Variants in ABI2 observed in about 807,000 individuals in gnomAD.
ABI2 encodes the protein abl interactor 2.
In ABI2, 25 loss-of-function variants were observed where a neutral mutation model predicts 59.2. The ratio of observed to expected loss-of-function variants is 0.42; its 90% CI spans 0.31 to 0.59. The LOEUF (loss-of-function observed/expected upper bound fraction) is 0.59. ABI2 is among the 20% of genes least tolerant of loss of function. The pLI is 0.14. For missense variants in ABI2, 545 were observed against 681.8 expected, an observed-to-expected ratio of 0.80 and a Z score of 2.23; for synonymous variants, 213 against 235.5, an observed-to-expected ratio of 0.90 and a Z score of 0.87.
rs1312712237 is a variant in ABI2, at chr2:203,368,984, A to AATTTTTTTTTTTTTTTTTTTT, written c.285+1940_285+1941insATTTTTTTTTTTTTTTTTTTT. ...TACAGGCACGTGCCATGCTTGGCTG[A>AATTTTTTTTTTTTTTTTTTTT]TTTTTTTTTTTTTTTTTTTTTTTTT... is the stretch of plus-strand genomic sequence containing the variant. On this transcript the variant is annotated intron_variant, in intron 2 of 11. Transcript: ENST00000261018. Among the ~76,000 whole-genome samples the AATTTTTTTTTTTTTTTTTTTT allele has an allele frequency of 9.9e-5, 9 of 91,118 alleles. 3 individuals carry two copies. The highest frequency in any genetic ancestry group is 1.2e-4 in the Non-Finnish European group (6 of 48,338). 59.8% of individuals were successfully genotyped at this position (91,118 alleles called of 152,430 possible).
intron 10 of ABI2, among the ~76,000 whole-genome samples, 162 bp downstream of exon 10, chr2:203,411,533 C>T (rs2097676733): frequency 6.6e-6 from 1 of 152,042 alleles, no homozygotes; most frequent in African/African-American, 2.4e-5. Flanking sequence ...AAATTTTCTA[C>T]TTTTAAATAA....
chr2:203,330,705 T>C (rs1047221538), intron 1 of ABI2, among the ~76,000 whole-genome samples: 2 of 152,134 alleles, frequency 1.3e-5, no homozygotes, highest in Non-Finnish European at 2.9e-5. Context: ...GAAGAGAAAC[T>C]GAGGGTGGAA....
At chr2:203,364,058 C>G (rs2093972301) in intron 1 of ABI2, among the ~76,000 whole-genome samples, 1 of 151,500 alleles carries the variant, frequency 6.6e-6, no homozygotes, top group Admixed American at 6.6e-5. Flanking sequence ...GCCATGGTAC[C>G]TGGCCTGTAC....
chr2:203,419,191 C>T (rs1327949531), intron 11 of ABI2, among the ~76,000 whole-genome samples: 1 of 147,860 alleles, frequency 6.8e-6, no homozygotes, highest in African/African-American at 2.5e-5. Flanking sequence ...CTCACAGCAA[C>T]CTCCACCTCC....
At chr2:203,392,118 C>T (rs2096765024) in intron 5 of ABI2, among the ~76,000 whole-genome samples, 1 of 151,968 alleles carries the variant, frequency 6.6e-6, no homozygotes, top group Non-Finnish European at 1.5e-5. Context: ...TAATATTTGT[C>T]CTCTATAAAT....
At chr2:203,342,271 T>G (rs1221122187) in intron 1 of ABI2, 1 of 445,842 alleles carries the variant, frequency 2.2e-6, no homozygotes, top group East Asian at 7.0e-5. Context: ...GTTACCATTT[T>G]GATTTCTATG....
intron 4 of ABI2, among the ~76,000 whole-genome samples, chr2:203,382,937 G>A (rs1401593625): frequency 6.6e-6 from 1 of 152,124 alleles, no homozygotes; most frequent in African/African-American, 2.4e-5. Context: ...GATATTTCCT[G>A]TTAGAATTCG....
chr2:203,333,068 T>TA (rs2074651581), intron 1 of ABI2, among the ~76,000 whole-genome samples: 1 of 152,176 alleles, frequency 6.6e-6, no homozygotes, highest in African/African-American at 2.4e-5. Context: ...CAGAGTTCAC[T>TA]AAAAACTTCA....
At chr2:203,372,394 T>A (rs1457888429) in intron 2 of ABI2, among the ~76,000 whole-genome samples, 1 of 152,156 alleles carries the variant, frequency 6.6e-6, no homozygotes, top group Non-Finnish European at 1.5e-5. Context: ...CCCTTTCTAT[T>A]CCACAAAACC....
In ABI2 at chr2:203,416,965, C is replaced by G; in HGVS notation, c.1337C>G (p.Pro446Arg). Residue 446 changes from proline to arginine, a missense_variant, in exon 11 of 12, where the codon CCC becomes CGC. Around this residue, in one of 4 missense-constraint regions of ABI2, gnomAD observed 410 missense variants for 435.6 expected, o/e 0.94. Coordinates refer to ENST00000261018, the MANE Select transcript of ABI2 (RefSeq NM_001375670.1). ...PVEEPVFDES[P>R]PPPPPPEDYE... is the part of the protein sequence containing the mutation. ...GAAGAACCAGTCTTTGATGAGTCTC[C>G]CCCACCTCCTCCTCCTCCAGAAGAT... 1.2e-6 allele frequency: 2 copies of G among 1,614,100 alleles called. No individual in the cohort carries two copies. Among genetic ancestry groups the G allele is most frequent in the Non-Finnish European group, 1.7e-6 (2 of 1,180,002 alleles).
At chr2:203,388,217 ACT>A (rs2153277085) in intron 4 of ABI2, among the ~76,000 whole-genome samples, 1 of 151,900 alleles carries the variant, frequency 6.6e-6, no homozygotes, top group African/African-American at 2.4e-5. Flanking sequence ...ATATTGAAAA[ACT>A]CTTTTAATAG....
chr2:203,381,805 A>G (rs1274571599), intron 3 of ABI2, among the ~76,000 whole-genome samples: 3 of 152,226 alleles, frequency 2.0e-5, no homozygotes. Flanking sequence ...ATAAGAAAAA[A>G]GTAATCCCAT....
chr2:203,380,886 C>G (rs533980860), intron 3 of ABI2, among the ~76,000 whole-genome samples: 59 of 152,238 alleles, frequency 3.9e-4, no homozygotes, highest in Non-Finnish European at 6.2e-4. Context: ...ATTGCCACTG[C>G]TTTTGAGTGT....
chr2:203,404,940 G>T (rs1316740317), intron 9 of ABI2, among the ~76,000 whole-genome samples: 3 of 152,126 alleles, frequency 2.0e-5, no homozygotes, highest in Admixed American at 6.5e-5. Flanking sequence ...TTATTTGAAG[G>T]CTGTTTAAGC....
chr2:203,352,249 C>T (rs559028562), intron 1 of ABI2, among the ~76,000 whole-genome samples: 2 of 152,024 alleles, frequency 1.3e-5, no homozygotes, highest in Non-Finnish European at 2.9e-5. Context: ...GGCTTGAGTT[C>T]AGAAGTTCAA....
At chr2:203,374,683 T>G in intron 2 of ABI2, 1 of 355,482 alleles carries the variant, frequency 2.8e-6, no homozygotes. Context: ...ATTTGTTTTA[T>G]GAATGATACA....
At chr2:203,351,166 C>T (rs2088077402) in intron 1 of ABI2, among the ~76,000 whole-genome samples, 1 of 152,126 alleles carries the variant, frequency 6.6e-6, no homozygotes, top group Non-Finnish European at 1.5e-5. Flanking sequence ...CATAAATGTG[C>T]AGTTTTATTT....
At chr2:203,405,171 A>T (rs544449985) in intron 9 of ABI2, among the ~76,000 whole-genome samples, 17 of 152,022 alleles carry the variant, frequency 1.1e-4, no homozygotes, top group Admixed American at 1.0e-3. Flanking sequence ...GTTTTTCTGT[A>T]CTCTGCTCTA....
intron 1 of ABI2, among the ~76,000 whole-genome samples, chr2:203,337,007 A>G (rs2076763628): frequency 6.6e-6 from 1 of 152,192 alleles, no homozygotes; most frequent in African/African-American, 2.4e-5. Context: ...CTCAAAGGCC[A>G]TATATGACAA....
Sources: allele counts gnomAD v4.1 joint callset (sites outside exome capture counted in the v4.1 genomes callset), GRCh38; gene constraint gnomAD v4.1.1; regional missense constraint gnomAD v4.1.1; transcripts MANE v1.5; gene names NCBI Gene and HGNC (gene_info 2026-07-23, HGNC 2026-07-21).